The following SPINK13 variants were observed in gnomAD, a reference collection of about 807,000 sequenced individuals.
SPINK13 encodes the protein serine protease inhibitor Kazal-type 13.
SPINK13 carries 11 observed loss-of-function variants against 11.0 expected under a neutral mutation model. The ratio of observed to expected loss-of-function variants is 1.00; its 90% CI spans 0.63 to 1.65. The LOEUF is 1.65. Among genes scored for constraint, SPINK13 ranks in the 40% most tolerant of loss-of-function variants. SPINK13 has a pLI of 0.00. For missense variants in SPINK13, 113 were observed against 117.7 expected (o/e 0.96, Z 0.19); for synonymous variants, 31 against 35.6 (o/e 0.87, Z 0.46).
intron 3 of SPINK13, among the ~76,000 whole-genome samples, chr5:148,275,674 T>C (rs1756416377): frequency 6.6e-6 from 1 of 151,700 alleles, no homozygotes; most frequent in Admixed American, 6.6e-5. Flanking sequence ...TTCTTTTTTT[T>C]TTTTTTGACG....
At chr5:148,282,034 A>C in intron 3 of SPINK13, 70 bp from the exon 4 acceptor site, 1 of 1,585,510 alleles carries the variant, frequency 6.3e-7, no homozygotes, top group Non-Finnish European at 8.6e-7. Flanking sequence ...TAAGTGGGGC[A>C]GAAGTGACAG....
At chr5:148,270,855 G>A (rs1258404743) in intron 2 of SPINK13, 1 of 152,242 alleles carries the variant, frequency 6.6e-6, no homozygotes, top group African/African-American at 2.4e-5. Context: ...AAGTTAGAAT[G>A]GTGCAGTAAA....
chr5:148,277,626 C>T (rs994682023), intron 3 of SPINK13, among the ~76,000 whole-genome samples: 10 of 152,120 alleles, frequency 6.6e-5, no homozygotes, highest in Non-Finnish European at 1.3e-4. Context: ...AGGATGAAGC[C>T]GACTTGATCA....
rs1549886 is a variant in SPINK13, at chr5:148,268,894, C to T, written c.-34+6C>T. The T allele has an allele frequency of 0.15, 22,106 of 152,136 alleles. 3,696 individuals carry two copies. The highest frequency in any genetic ancestry group is 0.4 in the African/African-American group (16,590 of 41,028). 9.4% of individuals were successfully genotyped at this position (152,136 alleles called of 1,614,324 possible). A position where few individuals can be genotyped will look rare whatever the true frequency, so the allele number is the denominator to read the frequency against. On this transcript the variant is annotated splice_donor_region_variant and intron_variant, in intron 1 of 4. Transcript: ENST00000398450. ...TATTCAGCCACCTCATCCAGGTAAC[C>T]ACTCTTTGACTTCTCTCTCCTTAGT...
At chr5:148,269,892 C>T (rs1041542828) in intron 1 of SPINK13, 148 bp from the exon 2 acceptor site, 4 of 461,174 alleles carry the variant, frequency 8.7e-6, no homozygotes, top group African/African-American at 4.0e-5. Flanking sequence ...CAAAAGGGCT[C>T]TCTCAGGCCT....
At chr5:148,273,260 A>AT (rs1228008024) in intron 2 of SPINK13, among the ~76,000 whole-genome samples, 2 of 150,924 alleles carry the variant, frequency 1.3e-5, no homozygotes, top group Admixed American at 1.3e-4. Context: ...GTATATGTTT[A>AT]TTTTTTGCCA....
At chr5:148,272,640 C>T (rs1465131207) in intron 2 of SPINK13, among the ~76,000 whole-genome samples, 1 of 152,208 alleles carries the variant, frequency 6.6e-6, no homozygotes, top group East Asian at 1.9e-4. Flanking sequence ...AATGTCAGAC[C>T]TTTAGGATGT....
intron 3 of SPINK13, among the ~76,000 whole-genome samples, chr5:148,281,857 A>T (rs1756521171): frequency 6.6e-6 from 1 of 152,218 alleles, no homozygotes; most frequent in Admixed American, 6.5e-5. Flanking sequence ...TCCTACTGGA[A>T]CTGAAACATG....
At chr5:148,274,416 A>T in intron 3 of SPINK13, 32 bp downstream of exon 3, 1 of 1,570,166 alleles carries the variant, frequency 6.4e-7, no homozygotes, top group South Asian at 1.1e-5. Context: ...CTAGGTTGTA[A>T]TTCTAGTCTA....
chr5:148,269,996 C>A, intron 1 of SPINK13, 44 bp from the exon 2 acceptor site: 1 of 1,408,626 alleles, frequency 7.1e-7, no homozygotes, highest in Non-Finnish European at 1.0e-6. Flanking sequence ...ATTGGAAAAG[C>A]TAGCTGTGGG....
In SPINK13 at chr5:148,282,220, T is replaced by G; in HGVS notation, c.225T>G (p.Cys75Trp). Reference sequence around the variant, plus strand: ...CTTTCCAGAATGAGTGTTTCTTTTGTGTTGAACAGAGGTAAGTTCAGAATA... The same window carrying G: ...CTTTCCAGAATGAGTGTTTCTTTTGGGTTGAACAGAGGTAAGTTCAGAATA... ...GHTFQNECFF[C>W]VEQREFHYRI... The change falls in exon 4 of 5, where the codon TGT becomes TGG. Residue 75 changes from cysteine to tryptophan, a missense_variant. Physicochemically the swap from Cys to Trp is radical, Grantham distance 215 (BLOSUM62 -2). Coordinates refer to ENST00000398450, the MANE Select transcript of SPINK13 (RefSeq NM_001040129.3). 3.1e-6 allele frequency: 5 copies of G among 1,614,216 alleles called. No individual in the cohort carries two copies. The highest frequency in any genetic ancestry group is 4.2e-6 in the Non-Finnish European group (5 of 1,180,030).
chr5:148,283,518 C>T (rs1256319650), intron 4 of SPINK13, among the ~76,000 whole-genome samples: 1 of 152,168 alleles, frequency 6.6e-6, no homozygotes, highest in Non-Finnish European at 1.5e-5. Flanking sequence ...TCCTCATGAG[C>T]TTCTAGTATC....
chr5:148,275,041 T>G (rs2113366346), intron 3 of SPINK13, among the ~76,000 whole-genome samples: 1 of 152,280 alleles, frequency 6.6e-6, no homozygotes, highest in African/African-American at 2.4e-5. Context: ...ACATACAGGC[T>G]TGCTACATAG....
intron 4 of SPINK13, among the ~76,000 whole-genome samples, chr5:148,283,722 G>C (rs1476194989): frequency 1.3e-5 from 2 of 152,090 alleles, no homozygotes; most frequent in East Asian, 3.9e-4. Context: ...TGCGGTTACT[G>C]TTGATTTCTT....
At position 148,269,397 on chromosome 5, in the gene SPINK13, GT is replaced by G. The variant is rs200316981; in HGVS notation, c.-34+518del. ...CAAGGTCATATGTCATATGTTTTTT[GT>G]TTTTTTTTCTGATTCTTGCATCAGG... is the stretch of plus-strand genomic sequence containing the variant. On this transcript the variant is annotated intron_variant, in intron 1 of 4. Coordinates refer to ENST00000398450, the MANE Select transcript of SPINK13 (RefSeq NM_001040129.3). Among the ~76,000 whole-genome samples, 8 of 149,194 alleles carry G rather than the reference GT, an allele frequency of 5.4e-5. No individual in the cohort carries two copies. The South Asian group carries it at 8.5e-4, about 16-fold the overall frequency.
At chr5:148,284,401 TTCTCAG>T (rs950551653) in intron 4 of SPINK13, among the ~76,000 whole-genome samples, 33 of 152,266 alleles carry the variant, frequency 2.2e-4, no homozygotes, top group African/African-American at 7.5e-4. Flanking sequence ...TAGTTTTTAT[TTCTCAG>T]TCTAAGAATA....
chr5:148,273,628 G>A (rs1003665849), intron 2 of SPINK13, among the ~76,000 whole-genome samples: 5 of 151,948 alleles, frequency 3.3e-5, no homozygotes, highest in Middle Eastern at 3.2e-3. Flanking sequence ...CCTATTCCTC[G>A]AAAGGTTAGT....
At chr5:148,285,478 T>C (rs1187830685) in intron 4 of SPINK13, among the ~76,000 whole-genome samples, 3 of 152,184 alleles carry the variant, frequency 2.0e-5, no homozygotes, top group Admixed American at 6.5e-5. Context: ...AGAGATGTAA[T>C]ACAAATATGA....
chr5:148,270,219 AC>A, intron 2 of SPINK13, 77 bp downstream of exon 2: 1 of 1,469,072 alleles, frequency 6.8e-7, no homozygotes. Flanking sequence ...GTAATTTTTT[AC>A]TTTTATGGGA....
Sources: allele counts gnomAD v4.1 joint callset (sites outside exome capture counted in the v4.1 genomes callset), GRCh38; gene constraint gnomAD v4.1.1; transcripts MANE v1.5; gene names NCBI Gene and HGNC (gene_info 2026-07-23, HGNC 2026-07-21).